The following MTA3 variants were observed in gnomAD, a reference collection of about 807,000 sequenced individuals.
MTA3 encodes metastasis associated 1 family member 3.
Under a neutral mutation model 83.5 loss-of-function variants are expected in MTA3, and 34 were observed. The ratio of observed to expected loss-of-function variants is 0.41; its 90% CI spans 0.31 to 0.54. The LOEUF (loss-of-function observed/expected upper bound fraction) is 0.54. MTA3 is among the 20% of genes least tolerant of loss of function. The probability of loss-of-function intolerance (pLI) is 0.33; values close to 1 mark genes in which losing one functional copy is unlikely to be tolerated. For synonymous variants in MTA3, 303 were observed against 252.7 expected (o/e 1.20, Z -1.89); for missense variants, 761 against 726.4 (o/e 1.05, Z -0.55).
At chr2:42,686,436 C>T (rs1418571555) in intron 9 of MTA3, among the ~76,000 whole-genome samples, 1 of 152,010 alleles carries the variant, frequency 6.6e-6, no homozygotes, top group Non-Finnish European at 1.5e-5. Flanking sequence ...CCTGAAATCT[C>T]AGCACTTTGG....
chr2:42,508,766 T>A (rs1326221798), intron 2 of MTA3, among the ~76,000 whole-genome samples: 1 of 147,116 alleles, frequency 6.8e-6, no homozygotes, highest in African/African-American at 2.5e-5. Context: ...TATATAGTAT[T>A]ATATAATATA....
chr2:42,544,211 G>A (rs1281041932), intron 2 of MTA3, among the ~76,000 whole-genome samples: 1 of 152,096 alleles, frequency 6.6e-6, no homozygotes, highest in Non-Finnish European at 1.5e-5. Flanking sequence ...AGTTTGGGAG[G>A]CCAAAGCAGG....
chr2:42,699,785 A>G (rs1191898483), intron 11 of MTA3, among the ~76,000 whole-genome samples: 1 of 152,144 alleles, frequency 6.6e-6, no homozygotes, highest in Non-Finnish European at 1.5e-5. Flanking sequence ...CTGTCACCAA[A>G]TACTGGATGT....
chr2:42,706,131 G>T (rs188790785), intron 12 of MTA3, among the ~76,000 whole-genome samples: 2 of 152,220 alleles, frequency 1.3e-5, no homozygotes, highest in East Asian at 1.9e-4. Context: ...GCTGTGGGGT[G>T]GGGGGAGCAG....
intron 4 of MTA3, among the ~76,000 whole-genome samples, chr2:42,621,702 C>T (rs1254359958): frequency 1.2e-3 from 121 of 97,456 alleles, no homozygotes; most frequent in African/African-American, 4.2e-3. Context: ...CCCAGACGGG[C>T]GGCTGCCAGG....
At chr2:42,612,512 G>A (rs1385606418) in intron 4 of MTA3, among the ~76,000 whole-genome samples, 2 of 152,076 alleles carry the variant, frequency 1.3e-5, no homozygotes, top group African/African-American at 4.8e-5. Context: ...CATGAGCATG[G>A]CCTCCATTTA....
chr2:42,713,362 A>G (rs199930558), intron 14 of MTA3, among the ~76,000 whole-genome samples: 4 of 147,860 alleles, frequency 2.7e-5, no homozygotes, highest in Non-Finnish European at 6.0e-5. Context: ...GTTAATGAGT[A>G]TAAGCTTTTC....
At position 42,577,191 on chromosome 2, in the gene MTA3, T is replaced by TTAAATGCCATTAACAG. The variant is rs540781920; in HGVS notation, c.97-1914_97-1899dup. On this transcript the variant is annotated intron_variant, in intron 2 of 16. Transcript: ENST00000405094. ...AGTCTCAAACCCTGTACTCATTTCA[T>TTAAATGCCATTAACAG]TAAATGCCATTAACAGTTGCAGACT... Among the ~76,000 whole-genome samples the TTAAATGCCATTAACAG allele has an allele frequency of 8.8e-4, 131 of 149,202 alleles. 1 individual carries two copies. Among genetic ancestry groups the TTAAATGCCATTAACAG allele is most frequent in the African/African-American group, 3.2e-3 (128 of 40,572 alleles).
intron 8 of MTA3, among the ~76,000 whole-genome samples, chr2:42,679,777 C>G (rs1691702830): frequency 6.6e-6 from 1 of 151,960 alleles, no homozygotes; most frequent in Non-Finnish European, 1.5e-5. Flanking sequence ...ACAACCAGCA[C>G]CATAGTTCCT....
At chr2:42,563,780 C>A (rs753486132), upstream of MTA3, among the ~76,000 whole-genome samples, 13 of 70,756 alleles carry the variant, frequency 1.8e-4, no homozygotes, top group Admixed American at 4.9e-4. Flanking sequence ...CCAAACATTC[C>A]TTCCTTCCTT....
intron 3 of MTA3, among the ~76,000 whole-genome samples, chr2:42,586,520 AC>A: frequency 6.9e-6 from 1 of 144,992 alleles, no homozygotes; most frequent in African/African-American, 2.6e-5. Flanking sequence ...ACACAAACAC[AC>A]AAAGGAAGGA....
chr2:42,629,553 A>G (rs1286674027), intron 4 of MTA3, among the ~76,000 whole-genome samples: 1 of 152,160 alleles, frequency 6.6e-6, no homozygotes, highest in Non-Finnish European at 1.5e-5. Context: ...GTTTAATTGT[A>G]AGGTCCTTGA....
chr2:42,587,557 CTGTT>C (rs1471661631), intron 3 of MTA3, among the ~76,000 whole-genome samples: 2 of 151,824 alleles, frequency 1.3e-5, no homozygotes. Context: ...AGAATGTTTT[CTGTT>C]TTTTTCTCTC....
chr2:42,741,540 G>A (rs1669025816), intron 16 of MTA3, among the ~76,000 whole-genome samples: 2 of 152,160 alleles, frequency 1.3e-5, no homozygotes, highest in South Asian at 4.1e-4. Flanking sequence ...ACACTTAAAA[G>A]CCATTGTAAG....
intron 2 of MTA3, among the ~76,000 whole-genome samples, chr2:42,559,604 C>T (rs1345060830): frequency 1.3e-5 from 2 of 151,622 alleles, no homozygotes; most frequent in South Asian, 2.1e-4. Context: ...TCTGGCCAGG[C>T]GCAGTGGCTC....
chr2:42,636,197 A>G (rs764398453), intron 4 of MTA3, among the ~76,000 whole-genome samples: 8 of 152,116 alleles, frequency 5.3e-5, no homozygotes, highest in Non-Finnish European at 1.2e-4. Flanking sequence ...GCACTAAGAT[A>G]TCTGCACTTT....
At chr2:42,643,726 C>T (rs1335693677) in intron 5 of MTA3, among the ~76,000 whole-genome samples, 1 of 152,034 alleles carries the variant, frequency 6.6e-6, no homozygotes, top group Non-Finnish European at 1.5e-5. Context: ...AGTAAGAGTA[C>T]CTGGTATCTG....
intron 2 of MTA3, among the ~76,000 whole-genome samples, chr2:42,539,158 G>C (rs914653513): frequency 2.0e-5 from 3 of 152,142 alleles, no homozygotes; most frequent in African/African-American, 7.2e-5. Context: ...TAGTTCCTTA[G>C]TTTGTCAGGA....
chr2:42,722,614 T>A lies in MTA3; in HGVS notation c.1613-275T>A, dbSNP rs1287660437. ...TTCCCTTAGTAAATCACATGTTGTA[T>A]GTGACCTTCTGAAGTGGCTTTTTGT... is the stretch of plus-strand genomic sequence containing the variant. On this transcript the variant is annotated intron_variant, in intron 15 of 16. Coordinates refer to ENST00000405094, the MANE Select transcript of MTA3 (RefSeq NM_001330442.2). Among the ~76,000 whole-genome samples the A allele has an allele frequency of 3.3e-5, 5 of 152,166 alleles. 1 individual carries two copies. Among genetic ancestry groups the A allele is most frequent in the Admixed American group, 2.0e-4 (3 of 15,278 alleles).
Sources: allele counts gnomAD v4.1 joint callset (sites outside exome capture counted in the v4.1 genomes callset), GRCh38; gene constraint gnomAD v4.1.1; transcripts MANE v1.5; gene names NCBI Gene and HGNC (gene_info 2026-07-23, HGNC 2026-07-21).